NFATC1: variants seen among roughly 807,000 people sequenced by gnomAD.
NFATC1 encodes nuclear factor of activated T-cells, cytoplasmic 1.
Under a neutral mutation model 76.0 loss-of-function variants are expected in NFATC1, and 22 were observed. That is an observed-to-expected ratio of 0.29 (90% CI 0.21 to 0.41). The LOEUF (loss-of-function observed/expected upper bound fraction) is 0.41. NFATC1 is among the 10% of genes least tolerant of loss of function. The pLI is 1.00. For missense variants in NFATC1, 1,357 were observed against 1,337.7 expected (o/e 1.01, Z -0.23); for synonymous variants, 704 against 613.1 (o/e 1.15, Z -2.19).
At chr18:79,480,141 C>T (rs768399238) in intron 8 of NFATC1, among the ~76,000 whole-genome samples, 1 of 152,206 alleles carries the variant, frequency 6.6e-6, no homozygotes, top group African/African-American at 2.4e-5. Context: ...CACAAGATGC[C>T]GTCGTGGGTG....
intron 9 of NFATC1, among the ~76,000 whole-genome samples, chr18:79,520,139 A>G (rs1270949002): frequency 1.3e-5 from 2 of 151,586 alleles, no homozygotes; most frequent in Non-Finnish European, 3.0e-5. Flanking sequence ...GCAGGGGGAA[A>G]CTTGACGGAG....
Position 79,494,855 on chromosome 18 carries a change from G to A in NFATC1, c.2782+7918G>A, listed in dbSNP as rs1390260608. On this transcript the variant is annotated intron_variant, in intron 9 of 9. Transcript: ENST00000427363. ...CACACGCCCCCCATGAACCTGGTGC[G>A]GCCGGGGGAAGGCGAGAGCGGGCAC... is the stretch of plus-strand genomic sequence containing the variant. Among the ~76,000 whole-genome samples, 11 of 112,946 alleles carry A rather than the reference G, an allele frequency of 9.7e-5. No individual in the cohort carries two copies. The East Asian group carries it at 2.0e-3, about 21-fold the overall frequency. 74.1% of individuals were successfully genotyped at this position (112,946 alleles called of 152,430 possible).
At chr18:79,447,255 A>G (rs1478333101) in intron 3 of NFATC1, among the ~76,000 whole-genome samples, 1 of 152,184 alleles carries the variant, frequency 6.6e-6, no homozygotes, top group Non-Finnish European at 1.5e-5. Context: ...GCCCACTGAC[A>G]TCTGAGAATC....
intron 9 of NFATC1, among the ~76,000 whole-genome samples, chr18:79,488,097 G>A (rs1207754817): frequency 5.9e-5 from 9 of 152,190 alleles, no homozygotes; most frequent in Non-Finnish European, 1.3e-4. Context: ...AGGGACTCCC[G>A]GGCGTCAGGA....
chr18:79,491,850 C>T (rs1392238646), intron 9 of NFATC1, among the ~76,000 whole-genome samples: 1 of 152,068 alleles, frequency 6.6e-6, no homozygotes. Flanking sequence ...CCCTGGGCAC[C>T]CAGCCATGTT....
chr18:79,411,451 C>G lies in NFATC1; in HGVS notation c.1176C>G (p.His392Gln). ...FCDQYLAVPQHPYQWAKPKPL... is the reference protein window; with the variant it reads ...FCDQYLAVPQQPYQWAKPKPL... ...ACCAGTACCTGGCGGTGCCGCAGCA[C>G]CCCTACCAGTGGGCGAAGCCCAAGC... The change falls in exon 2 of 10, where the codon CAC becomes CAG. Residue 392 changes from histidine (H) to glutamine (Q), a missense_variant. Physicochemically the swap from His to Gln is conservative, Grantham distance 24. Transcript: ENST00000427363. 1 of 1,516,776 alleles carries G rather than the reference C, an allele frequency of 6.6e-7. No homozygotes were observed. The highest frequency in any genetic ancestry group is 8.8e-7 in the Non-Finnish European group (1 of 1,136,246). 94.0% of individuals were successfully genotyped at this position (1,516,776 alleles called of 1,614,324 possible).
chr18:79,485,783 T>A (rs1162889659), intron 8 of NFATC1, among the ~76,000 whole-genome samples: 6 of 152,218 alleles, frequency 3.9e-5, no homozygotes, highest in Non-Finnish European at 7.3e-5. Context: ...GGACGGCTTC[T>A]CTCCTGGAGC....
chr18:79,524,421 G>A lies in NFATC1; in HGVS notation c.2783-3107G>A, dbSNP rs966603875. 6.6e-6 allele frequency among the ~76,000 whole-genome samples: 1 copy of A among 152,240 alleles called. No individual in the cohort carries two copies. The highest frequency in any genetic ancestry group is 1.5e-5 in the Non-Finnish European group (1 of 68,040). ...CTGTCCTCTGCTGAGTGGTGTCAGG[G>A]TTGTCCATCCCGCTCTCTGTCAGCT... On this transcript the variant is annotated intron_variant, in intron 9 of 9. Transcript: ENST00000427363. This position sits in a 1 kb window ranked among gnomAD's most constrained non-coding sequence, Gnocchi z 7.2.
Position 79,396,984 on chromosome 18 carries a change from A to C in NFATC1, c.127+633A>C, listed in dbSNP as rs146093790. Among the ~76,000 whole-genome samples the C allele has an allele frequency of 3.3e-5, 5 of 152,292 alleles. No individual in the cohort carries two copies. The East Asian group carries it at 7.7e-4, about 24-fold the overall frequency. ...TAGGCAGGAGTTCCAGCCAGAGAAG[A>C]TGTTTCAGGCAAGTTTGAAAAGGAA... On this transcript the variant is annotated intron_variant, in intron 1 of 9. Transcript: ENST00000427363.
chr18:79,404,877 A>G (rs2085381901), intron 1 of NFATC1, among the ~76,000 whole-genome samples: 1 of 152,362 alleles, frequency 6.6e-6, no homozygotes, highest in East Asian at 1.9e-4. Flanking sequence ...GTGCACCTGT[A>G]GGGAGCCCTG....
chr18:79,436,768 G>A (rs975685634), intron 3 of NFATC1, among the ~76,000 whole-genome samples: 3 of 152,136 alleles, frequency 2.0e-5, no homozygotes, highest in African/African-American at 7.2e-5. Context: ...GGGCGCTGAG[G>A]GGCGTGAGGG....
chr18:79,506,379 C>T (rs1464455036), intron 9 of NFATC1, among the ~76,000 whole-genome samples: 5 of 152,172 alleles, frequency 3.3e-5, no homozygotes, highest in South Asian at 2.1e-4. Flanking sequence ...TTCCCACCTC[C>T]GGTGACCAGG....
intron 8 of NFATC1, among the ~76,000 whole-genome samples, chr18:79,475,114 GCTCA>G (rs2089001042): frequency 7.1e-6 from 1 of 141,142 alleles, no homozygotes. Context: ...GTGTTCTCAC[GCTCA>G]CTGTCGACAT....
intron 8 of NFATC1, among the ~76,000 whole-genome samples, chr18:79,483,179 GTGTAATT>G (rs1569017458): frequency 2.8e-4 from 31 of 111,134 alleles, no homozygotes; most frequent in African/African-American, 9.4e-4. Flanking sequence ...GGTTCCTGGG[GTGTAATT>G]CCAGCGTGAC....
chr18:79,478,498 C>T (rs913433287), intron 8 of NFATC1, among the ~76,000 whole-genome samples: 8 of 152,176 alleles, frequency 5.3e-5, no homozygotes, highest in East Asian at 1.9e-4. Context: ...GAACAGGAAC[C>T]GTTCGAGGGG....
At chr18:79,526,116 C>T (rs889670914) in intron 9 of NFATC1, among the ~76,000 whole-genome samples, 2 of 152,258 alleles carry the variant, frequency 1.3e-5, no homozygotes, top group African/African-American at 4.8e-5. Context: ...CCCGCAGCGC[C>T]GCCCGAGTGT....
chr18:79,457,145 G>A lies in NFATC1; in HGVS notation c.1904-4166G>A, dbSNP rs1225669479. Among the ~76,000 whole-genome samples the A allele has an allele frequency of 5.3e-5, 8 of 152,320 alleles. No homozygotes were observed. In the South Asian group the frequency reaches 8.3e-4, roughly 16 times the overall value. On this transcript the variant is annotated intron_variant, in intron 6 of 9. Transcript: ENST00000427363. ...TGGGGCTGCTTTGTCACCACATGGC[G>A]TCTTTGGGAGCAGGACAGGTGGCCG...
At chr18:79,470,355 G>T (rs9989553) in intron 8 of NFATC1, 2 of 152,112 alleles carry the variant, frequency 1.3e-5, no homozygotes, top group African/African-American at 2.4e-5. Flanking sequence ...GTGCCGATGA[G>T]CTTCGGGTCT....
chr18:79,510,776 G>A (rs76910276), intron 9 of NFATC1, among the ~76,000 whole-genome samples: 6,348 of 152,332 alleles, frequency 0.042, 196 homozygotes, highest in Middle Eastern at 0.082. Context: ...TGCCCTGTGT[G>A]GCCCTGGGCA....
Sources: gnomAD v4.1 joint callset for allele counts (sites outside exome capture counted in the v4.1 genomes callset) on GRCh38, gnomAD v4.1.1 for gene constraint, Gnocchi (gnomAD v3.1) non-coding constraint, MANE v1.5 for transcripts, NCBI Gene and HGNC (gene_info 2026-07-23, HGNC 2026-07-21) for gene names.